EZH1: variants seen among roughly 807,000 people sequenced by gnomAD.
EZH1 encodes histone-lysine N-methyltransferase EZH1.
In EZH1, 33 loss-of-function variants were observed where a neutral mutation model predicts 100.5. That is an observed-to-expected ratio of 0.33 (90% CI 0.25 to 0.44). The LOEUF is 0.44. Ranked by LOEUF, EZH1 falls within the 20% of genes least tolerant of loss-of-function variation. The probability of loss-of-function intolerance (pLI) is 1.00; values close to 1 mark genes in which losing one functional copy is unlikely to be tolerated. For missense variants in EZH1, 475 were observed against 928.4 expected (o/e 0.51, Z 6.35); for synonymous variants, 272 against 313.8 (o/e 0.87, Z 1.41).
At position 42,706,972 on chromosome 17, in the gene EZH1, C is replaced by T. The variant is rs539068501; in HGVS notation, c.1661-787G>A. On this transcript the variant is annotated intron_variant, in intron 15 of 20. Transcript: ENST00000428826. This position sits in a 1 kb window ranked among gnomAD's most constrained non-coding sequence, Gnocchi z 4.4. ...GCTATGGGTTAGGAGGTATTTCCTCCAGCAAAACCGCCTGGGCACCAAGTT... is the reference window on the plus strand; with the variant it reads ...GCTATGGGTTAGGAGGTATTTCCTCTAGCAAAACCGCCTGGGCACCAAGTT... 6.6e-6 allele frequency among the ~76,000 whole-genome samples: 1 copy of T among 152,132 alleles called. No homozygotes were observed. Among genetic ancestry groups the T allele is most frequent in the African/African-American group, 2.4e-5 (1 of 41,422 alleles).
chr17:42,713,494 G>T, intron 10 of EZH1, 105 bp from the exon 11 acceptor site: 1 of 1,077,674 alleles, frequency 9.3e-7, no homozygotes. Flanking sequence ...CAATAATAGT[G>T]TCTTTTCTTT....
chr17:42,716,341 T>C (rs2053604222), intron 10 of EZH1, among the ~76,000 whole-genome samples: 1 of 152,182 alleles, frequency 6.6e-6, no homozygotes. Context: ...AAGATATACA[T>C]ACGCAAATTT....
chr17:42,724,445 T>G (rs749075840), intron 4 of EZH1, 21 bp from the exon 5 acceptor site: 1 of 1,611,706 alleles, frequency 6.2e-7, no homozygotes, highest in East Asian at 2.2e-5. Context: ...AGCAATGACA[T>G]GGAGAGGGAA....
intron 1 of EZH1, among the ~76,000 whole-genome samples, chr17:42,737,464 A>G (rs1195708535): frequency 6.6e-6 from 1 of 152,092 alleles, no homozygotes; most frequent in Non-Finnish European, 1.5e-5. Flanking sequence ...TTAGTTGGGC[A>G]TGGTGGCGTG....
chr17:42,721,217 T>C (rs144257146), intron 6 of EZH1, among the ~76,000 whole-genome samples: 90 of 152,302 alleles, frequency 5.9e-4, no homozygotes, highest in African/African-American at 2.2e-3. Context: ...TGTGGACAAA[T>C]AATGTAGTTC....
At position 42,708,793 on chromosome 17, in the gene EZH1, G is replaced by A. The variant is rs116360057; in HGVS notation, c.1534+83C>T. 5.0e-5 allele frequency: 73 copies of A among 1,448,932 alleles called. No homozygotes were observed. In the African/African-American group the frequency reaches 7.8e-4, roughly 15 times the overall value. The allele number at this position is 1,448,932 out of a possible 1,614,324, so 89.8% of individuals were successfully genotyped here. A position where few individuals can be genotyped will look rare whatever the true frequency, so the allele number is the denominator to read the frequency against. ...TGCGGAAGTGGCACAGGGTCAACAA[G>A]TGCAGCTGGAGGTGGGGTAGGGTGA... On this transcript the variant is annotated intron_variant, in intron 14 of 20. Coordinates refer to ENST00000428826, the MANE Select transcript of EZH1 (RefSeq NM_001991.5).
chr17:42,733,418 G>T (rs1226127096), intron 1 of EZH1, among the ~76,000 whole-genome samples: 1 of 151,640 alleles, frequency 6.6e-6, no homozygotes, highest in Non-Finnish European at 1.5e-5. Flanking sequence ...GAGGTGGGCG[G>T]ATCACGAGGT....
At chr17:42,714,115 G>A (rs1175018134) in intron 10 of EZH1, among the ~76,000 whole-genome samples, 1 of 152,008 alleles carries the variant, frequency 6.6e-6, no homozygotes, top group Non-Finnish European at 1.5e-5. Context: ...GAAGAATATT[G>A]TTTCATTATT....
chr17:42,713,205 G>A lies in EZH1; in HGVS notation c.1204+4C>T, dbSNP rs565722483. ...AAAAAGTCTTCATTTTCTGTTCATC[G>A]TACCTGAAGAACTGGAGGCCCAGTC... On this transcript the variant is annotated splice_donor_region_variant and intron_variant, in intron 11 of 20. Transcript: ENST00000428826. 35 of 1,612,044 alleles carry A rather than the reference G, an allele frequency of 2.2e-5. No individual in the cohort carries two copies. The highest frequency in any genetic ancestry group is 1.1e-4 in the East Asian group (5 of 44,696).
intron 14 of EZH1, among the ~76,000 whole-genome samples, chr17:42,708,463 T>G (rs1276381438): frequency 6.6e-6 from 1 of 152,144 alleles, no homozygotes; most frequent in Non-Finnish European, 1.5e-5. Context: ...GAGACCAGCC[T>G]GGCCAACATG....
intron 4 of EZH1, among the ~76,000 whole-genome samples, chr17:42,725,622 T>G (rs2053803890): frequency 6.6e-6 from 1 of 151,804 alleles, no homozygotes; most frequent in African/African-American, 2.4e-5. Context: ...CTCTATAGAG[T>G]TCAGCACAGT....
At chr17:42,715,146 ATATAT>A (rs1316545731) in intron 10 of EZH1, among the ~76,000 whole-genome samples, 1 of 140,854 alleles carries the variant, frequency 7.1e-6, no homozygotes, top group Non-Finnish European at 1.5e-5. Context: ...TTTATATATT[ATATAT>A]TATAGATTAT....
chr17:42,727,930 C>A (rs1418207873), intron 3 of EZH1, among the ~76,000 whole-genome samples, 167 bp from the exon 4 acceptor site: 2 of 151,912 alleles, frequency 1.3e-5, no homozygotes, highest in Admixed American at 6.6e-5. Context: ...GATTCTCCTA[C>A]CTCGGCCTCC....
In EZH1 at chr17:42,709,920, G is replaced by A. The variant is rs61753263; in HGVS notation, c.1419C>T (p.Val473=). The part of the protein sequence containing the change: ...KTCKQVFQFA[V]KESLILKLPT... ...GCAGCTTCAGGATAAGTGATTCTTT[G>A]ACTGCAAACTGAAAGACCTGGAAGA... The change falls in exon 13 of 21, where the codon GTC becomes GTT. Residue 473 remains valine (V), a synonymous_variant. Coordinates refer to ENST00000428826, the MANE Select transcript of EZH1 (RefSeq NM_001991.5). 326 of 1,613,972 alleles carry A rather than the reference G, an allele frequency of 2.0e-4. No homozygotes were observed. Among genetic ancestry groups the A allele is most frequent in the Non-Finnish European group, 2.5e-4 (291 of 1,180,012 alleles).
At chr17:42,736,115 T>C (rs922948961) in intron 1 of EZH1, among the ~76,000 whole-genome samples, 1 of 152,226 alleles carries the variant, frequency 6.6e-6, no homozygotes, top group Non-Finnish European at 1.5e-5. Context: ...AATGAGATAC[T>C]ATTAAACACC....
chr17:42,706,461 A>C lies in EZH1; in HGVS notation c.1661-276T>G, dbSNP rs546175991. On this transcript the variant is annotated intron_variant, in intron 15 of 20. Transcript: ENST00000428826. The surrounding 1 kb of genome is among the most constrained non-coding windows in gnomAD (Gnocchi z 4.4). ...GCACTTTGGGAGGCCAAGGCAGGAG[A>C]ATCACCTGAGCCCAGGAGTTCAAAA... Among the ~76,000 whole-genome samples, 2 of 152,054 alleles carry C rather than the reference A, an allele frequency of 1.3e-5. No homozygotes were observed. Among genetic ancestry groups the C allele is most frequent in the African/African-American group, 4.8e-5 (2 of 41,472 alleles).
intron 3 of EZH1, 58 bp downstream of exon 3, chr17:42,728,767 T>C (rs1207847308): frequency 1.3e-6 from 2 of 1,562,764 alleles, no homozygotes; most frequent in Non-Finnish European, 1.7e-6. Context: ...TTCCAACCCC[T>C]TTACACTGGG....
At chr17:42,740,243 C>G (rs1306775503) in intron 1 of EZH1, among the ~76,000 whole-genome samples, 2 of 138,642 alleles carry the variant, frequency 1.4e-5, no homozygotes, top group African/African-American at 5.3e-5. Context: ...GAGACAAGAT[C>G]TTTTTTTTTT....
In EZH1 at chr17:42,724,325, G is replaced by A. The variant is rs2053774861; in HGVS notation, c.346C>T (p.Pro116Ser). The change falls in exon 5 of 21, where the codon CCT becomes TCT. Residue 116 changes from proline to serine, a missense_variant. Around this residue, in one of 8 missense-constraint regions of EZH1, gnomAD observed 17 missense variants for 68.0 expected, o/e 0.25. Coordinates refer to ENST00000428826, the MANE Select transcript of EZH1 (RefSeq NM_001991.5). ...CATACCATAAAGTTCTGTTGGAGAG[G>A]GGACCAGGAATACATGATGGGAACC... ...ALVPIMYSWS[P>S]LQQNFMVEDE... 3 of 1,613,780 alleles carry A rather than the reference G, an allele frequency of 1.9e-6. No homozygotes were observed. Among genetic ancestry groups the A allele is most frequent in the Non-Finnish European group, 2.5e-6 (3 of 1,179,902 alleles).
Sources: allele counts gnomAD v4.1 joint callset (sites outside exome capture counted in the v4.1 genomes callset), GRCh38; gene constraint gnomAD v4.1.1; regional missense constraint gnomAD v4.1.1; non-coding constraint Gnocchi (gnomAD v3.1); transcripts MANE v1.5; gene names NCBI Gene and HGNC (gene_info 2026-07-23, HGNC 2026-07-21).